Variants in KALRN observed in about 807,000 individuals in gnomAD.
KALRN encodes the protein kalirin RhoGEF kinase, also known as kalirin.
In KALRN, 70 loss-of-function variants were observed where a neutral mutation model predicts 353.7. That is an observed-to-expected ratio of 0.20 (90% CI 0.16 to 0.24). The LOEUF (loss-of-function observed/expected upper bound fraction) is 0.24, where lower values mean the gene tolerates loss of function less well. Among genes scored for constraint, KALRN ranks in the 10% least tolerant of loss-of-function variants. The pLI, the probability that KALRN is intolerant of heterozygous loss-of-function variation, is 1.00. For synonymous variants in KALRN, 1,391 were observed against 1,434.8 expected, an observed-to-expected ratio of 0.97 and a Z score of 0.69; for missense variants, 2,791 against 3,756.7, an observed-to-expected ratio of 0.74 and a Z score of 6.72.
intron 12 of KALRN, among the ~76,000 whole-genome samples, chr3:124,397,776 A>G (rs1468485378): frequency 6.6e-6 from 1 of 152,134 alleles, no homozygotes; most frequent in African/African-American, 2.4e-5. Context: ...CCCTCCTATT[A>G]CTTGACTGTG....
intron 33 of KALRN, among the ~76,000 whole-genome samples, chr3:124,522,133 G>A (rs1020016690): frequency 6.6e-6 from 1 of 151,748 alleles, no homozygotes; most frequent in African/African-American, 2.4e-5. Context: ...GATGTACTCA[G>A]TACATCATTT....
chr3:124,124,471 CA>C (rs1384326317), intron 1 of KALRN, among the ~76,000 whole-genome samples: 2 of 152,152 alleles, frequency 1.3e-5, no homozygotes, highest in Admixed American at 1.3e-4. Context: ...GTTGAAATGA[CA>C]AAAGATTTCT....
chr3:124,654,842 C>T (rs983344375), intron 38 of KALRN, among the ~76,000 whole-genome samples: 29 of 152,290 alleles, frequency 1.9e-4, no homozygotes, highest in African/African-American at 7.0e-4. Flanking sequence ...ACAATACCTA[C>T]CTTATTATAA....
intron 21 of KALRN, among the ~76,000 whole-genome samples, chr3:124,453,998 T>G (rs1184523172): frequency 6.6e-6 from 1 of 152,240 alleles, no homozygotes; most frequent in Non-Finnish European, 1.5e-5. Flanking sequence ...ACTATAGCTC[T>G]TTACACAGTA....
At chr3:124,271,127 G>A (rs1177222113) in intron 5 of KALRN, among the ~76,000 whole-genome samples, 6 of 152,174 alleles carry the variant, frequency 3.9e-5, no homozygotes, top group East Asian at 3.9e-4. Flanking sequence ...CACCGTGCCC[G>A]GCCCTGTTGC....
chr3:124,639,354 G>A (rs1480720654), intron 37 of KALRN, among the ~76,000 whole-genome samples: 6 of 152,146 alleles, frequency 3.9e-5, no homozygotes, highest in African/African-American at 1.4e-4. Context: ...GCTCTGTGGT[G>A]TAATTTGTTA....
At chr3:124,227,101 C>T (rs1171891589) in intron 1 of KALRN, among the ~76,000 whole-genome samples, 1 of 152,142 alleles carries the variant, frequency 6.6e-6, no homozygotes, top group African/African-American at 2.4e-5. Flanking sequence ...TGACTTCCCA[C>T]AAATCTCACA....
intron 1 of KALRN, among the ~76,000 whole-genome samples, chr3:124,062,002 C>T (rs1048512508): frequency 6.6e-6 from 1 of 152,168 alleles, no homozygotes; most frequent in Non-Finnish European, 1.5e-5. Context: ...AGGGCATCAC[C>T]TGGGAGCTTG....
chr3:124,324,675 A>G (rs1045847324), intron 6 of KALRN, among the ~76,000 whole-genome samples: 1 of 152,178 alleles, frequency 6.6e-6, no homozygotes, highest in Non-Finnish European at 1.5e-5. Flanking sequence ...GAGACATTTT[A>G]AATTAAGAGA....
chr3:124,132,772 T>C (rs996362656), intron 1 of KALRN, among the ~76,000 whole-genome samples: 6 of 152,204 alleles, frequency 3.9e-5, no homozygotes, highest in African/African-American at 1.4e-4. Flanking sequence ...ACATTCCAAG[T>C]TCTTTCATGA....
chr3:124,650,751 G>T, intron 37 of KALRN, 57 bp from the exon 38 acceptor site: 4 of 1,552,282 alleles, frequency 2.6e-6, no homozygotes, highest in Non-Finnish European at 3.5e-6. Flanking sequence ...AGGACACAGG[G>T]ATTCCAAATG....
At chr3:124,167,166 G>C (rs2071000376) in intron 1 of KALRN, among the ~76,000 whole-genome samples, 1 of 152,194 alleles carries the variant, frequency 6.6e-6, no homozygotes. Flanking sequence ...GCAGGGCTCT[G>C]CCTGAGCGAC....
intron 6 of KALRN, among the ~76,000 whole-genome samples, chr3:124,325,272 C>T (rs1273043985): frequency 1.3e-5 from 2 of 152,044 alleles, no homozygotes; most frequent in Admixed American, 1.3e-4. Context: ...CCACAGATGC[C>T]TTTTGGGGTC....
intron 1 of KALRN, among the ~76,000 whole-genome samples, chr3:124,055,615 T>C (rs909773721): frequency 4.6e-5 from 7 of 152,232 alleles, no homozygotes; most frequent in African/African-American, 1.7e-4. Context: ...TGGGTTTTCC[T>C]ATGAGAAGGA....
intron 1 of KALRN, among the ~76,000 whole-genome samples, chr3:124,111,112 G>C (rs1447567739): frequency 6.6e-6 from 1 of 152,068 alleles, no homozygotes; most frequent in Admixed American, 6.6e-5. Context: ...AAATATAAAT[G>C]ATTGTCCTCA....
At chr3:124,041,109 T>C (rs566471513) in intron 1 of KALRN, among the ~76,000 whole-genome samples, 37 of 151,748 alleles carry the variant, frequency 2.4e-4, no homozygotes, top group African/African-American at 8.7e-4. Flanking sequence ...GGAATGGAAA[T>C]GGAAATAAAT....
At chr3:124,550,047 T>G (rs1014082223) in intron 33 of KALRN, among the ~76,000 whole-genome samples, 1 of 152,140 alleles carries the variant, frequency 6.6e-6, no homozygotes, top group Non-Finnish European at 1.5e-5. Context: ...GAATGGACAG[T>G]GGGAGAGACC....
intron 13 of KALRN, among the ~76,000 whole-genome samples, chr3:124,407,418 G>A (rs1334988929): frequency 6.6e-6 from 1 of 151,650 alleles, no homozygotes; most frequent in Non-Finnish European, 1.5e-5. Flanking sequence ...GTCATATTAG[G>A]AGATCCCTGA....
intron 51 of KALRN, among the ~76,000 whole-genome samples, chr3:124,689,572 T>C (rs1559852408): frequency 6.6e-6 from 1 of 152,156 alleles, no homozygotes; most frequent in Non-Finnish European, 1.5e-5. Context: ...CTCCAACCTG[T>C]TTCTAAGGAA....
Sources: allele counts gnomAD v4.1 joint callset (sites outside exome capture counted in the v4.1 genomes callset), GRCh38; gene constraint gnomAD v4.1.1; transcripts MANE v1.5; gene names NCBI Gene and HGNC (gene_info 2026-07-23, HGNC 2026-07-21).